Variants in ANKS1B observed in about 807,000 individuals in gnomAD.
ANKS1B encodes the protein ankyrin repeat and sterile alpha motif domain containing 1B.
In ANKS1B, 36 loss-of-function variants were observed where a neutral mutation model predicts 148.3. The observed-to-expected ratio is 0.24, with a 90% CI of 0.19 to 0.32. The LOEUF (loss-of-function observed/expected upper bound fraction) is 0.32, where lower values mean the gene tolerates loss of function less well. ANKS1B is among the 10% of genes least tolerant of loss of function. The pLI, the probability that ANKS1B is intolerant of heterozygous loss-of-function variation, is 1.00. For missense variants in ANKS1B, 1,157 were observed against 1,542.6 expected, an observed-to-expected ratio of 0.75 and a Z score of 4.19; for synonymous variants, 542 against 560.8, an observed-to-expected ratio of 0.97 and a Z score of 0.47.
intron 25 of ANKS1B, among the ~76,000 whole-genome samples, chr12:98,758,715 T>G (rs534835743): frequency 9.2e-5 from 14 of 152,048 alleles, no homozygotes; most frequent in Non-Finnish European, 2.1e-4. Context: ...ATTCCCCTCT[T>G]CCCTTCCCTT....
chr12:99,891,966 G>A (rs1159163201), intron 1 of ANKS1B, among the ~76,000 whole-genome samples: 1 of 151,974 alleles, frequency 6.6e-6, no homozygotes, highest in Non-Finnish European at 1.5e-5. Context: ...GGATTCATGG[G>A]GACTCATAAT....
chr12:99,805,569 G>A lies in ANKS1B; in HGVS notation c.669+835C>T, dbSNP rs914091938. ...TTGAGCCCAGGAGGTGGAGGCTGCA[G>A]TGAGCTGAGATCACGCCACCCACCA... On this transcript the variant is annotated intron_variant, in intron 4 of 26. Coordinates refer to ENST00000683438, the MANE Select transcript of ANKS1B (RefSeq NM_001352186.2). Among the ~76,000 whole-genome samples, 7 of 152,282 alleles carry A rather than the reference G, an allele frequency of 4.6e-5. No homozygotes were observed. The East Asian group carries it at 1.3e-3, about 29-fold the overall frequency.
At chr12:99,330,018 C>T (rs1446303451) in intron 12 of ANKS1B, among the ~76,000 whole-genome samples, 4 of 151,862 alleles carry the variant, frequency 2.6e-5, no homozygotes, top group African/African-American at 9.7e-5. Context: ...ATTTTGGTTA[C>T]AGAGCCCAAA....
intron 12 of ANKS1B, among the ~76,000 whole-genome samples, chr12:99,397,922 T>C (rs1401701404): frequency 6.6e-6 from 1 of 151,978 alleles, no homozygotes; most frequent in African/African-American, 2.4e-5. Context: ...ACATGAAAAT[T>C]TTAAGGCAGA....
chr12:99,323,517 T>C (rs1255708951), intron 12 of ANKS1B, among the ~76,000 whole-genome samples: 1 of 152,202 alleles, frequency 6.6e-6, no homozygotes, highest in East Asian at 1.9e-4. Flanking sequence ...ATGCTTTTCA[T>C]GCATGAAGAA....
chr12:99,065,586 C>CCATT (rs1302951210), intron 16 of ANKS1B, among the ~76,000 whole-genome samples: 31 of 129,936 alleles, frequency 2.4e-4, no homozygotes, highest in Non-Finnish European at 3.9e-4. Flanking sequence ...ACCATCCATT[C>CCATT]CATTCATCCA....
At chr12:99,696,890 C>T (rs1477155422) in intron 8 of ANKS1B, among the ~76,000 whole-genome samples, 1 of 152,040 alleles carries the variant, frequency 6.6e-6, no homozygotes, top group Non-Finnish European at 1.5e-5. Context: ...CATAAGAAAA[C>T]AAATAACCCA....
At chr12:99,579,693 A>C (rs1415980452) in intron 9 of ANKS1B, among the ~76,000 whole-genome samples, 1 of 152,098 alleles carries the variant, frequency 6.6e-6, no homozygotes, top group Non-Finnish European at 1.5e-5. Flanking sequence ...AAAAAGGCAA[A>C]AAATGACAGA....
At chr12:99,713,709 T>G (rs906924699) in intron 8 of ANKS1B, among the ~76,000 whole-genome samples, 1 of 152,194 alleles carries the variant, frequency 6.6e-6, no homozygotes, top group African/African-American at 2.4e-5. Flanking sequence ...TCTAAGACAA[T>G]TTAATTTTTC....
chr12:99,041,872 GT>G (rs1027509543), intron 17 of ANKS1B, among the ~76,000 whole-genome samples: 3 of 151,978 alleles, frequency 2.0e-5, no homozygotes, highest in African/African-American at 7.3e-5. Flanking sequence ...GTGTGGTGGT[GT>G]GCGCCTAGTC....
intron 14 of ANKS1B, among the ~76,000 whole-genome samples, chr12:99,242,656 C>G (rs558986710): frequency 2.0e-4 from 30 of 152,274 alleles, no homozygotes; most frequent in African/African-American, 6.7e-4. Context: ...TACAAGGCTA[C>G]AGTAAACAAA....
intron 14 of ANKS1B, among the ~76,000 whole-genome samples, chr12:99,175,216 A>T (rs2078247420): frequency 6.6e-6 from 1 of 152,202 alleles, no homozygotes; most frequent in Non-Finnish European, 1.5e-5. Flanking sequence ...CTCAAAGCCA[A>T]ATAACATCTT....
At chr12:99,654,879 G>A (rs4382995) in intron 9 of ANKS1B, among the ~76,000 whole-genome samples, 188 bp downstream of exon 9, 20,139 of 151,840 alleles carry the variant, frequency 0.13, 1,989 homozygotes, top group East Asian at 0.45. Context: ...TTATGTCTTC[G>A]CATATGTACA....
intron 11 of ANKS1B, among the ~76,000 whole-genome samples, chr12:99,411,527 T>G (rs998637413): frequency 6.6e-6 from 1 of 152,146 alleles, no homozygotes; most frequent in Admixed American, 6.6e-5. Flanking sequence ...AGTGCAGGTG[T>G]TTTTTGGTAG....
chr12:99,746,446 G>A (rs113862274), intron 8 of ANKS1B, among the ~76,000 whole-genome samples: 2 of 152,172 alleles, frequency 1.3e-5, no homozygotes, highest in Non-Finnish European at 2.9e-5. Flanking sequence ...TTCATTGCTT[G>A]TGGCCTCAGC....
intron 9 of ANKS1B, chr12:99,648,585 G>C: frequency 6.2e-7 from 1 of 1,614,174 alleles, no homozygotes; most frequent in Non-Finnish European, 8.5e-7. Context: ...TAAAAAAACA[G>C]CTCCACCTGA....
intron 9 of ANKS1B, among the ~76,000 whole-genome samples, chr12:99,623,419 G>A (rs568714314): frequency 9.3e-4 from 142 of 152,072 alleles, no homozygotes; most frequent in Middle Eastern, 3.4e-3. Flanking sequence ...AATCAGGCAA[G>A]AGAAAGATAC....
intron 1 of ANKS1B, among the ~76,000 whole-genome samples, chr12:99,977,096 T>C (rs1412503132): frequency 6.6e-6 from 1 of 152,184 alleles, no homozygotes; most frequent in East Asian, 1.9e-4. Flanking sequence ...AATCCATTCA[T>C]ACATGCAGAG....
chr12:99,557,617 T>C (rs1447261433), intron 9 of ANKS1B, among the ~76,000 whole-genome samples: 3 of 152,204 alleles, frequency 2.0e-5, no homozygotes, highest in Non-Finnish European at 2.9e-5. Context: ...TTCTCCTGAA[T>C]CTTGATGATT....
Sources: gnomAD v4.1 joint callset for allele counts (sites outside exome capture counted in the v4.1 genomes callset) on GRCh38, gnomAD v4.1.1 for gene constraint, MANE v1.5 for transcripts, NCBI Gene and HGNC (gene_info 2026-07-23, HGNC 2026-07-21) for gene names.